STXBP5L: variants seen among roughly 807,000 people sequenced by gnomAD.
The protein encoded by STXBP5L is syntaxin binding protein 5L.
Under a neutral mutation model 144.5 loss-of-function variants are expected in STXBP5L, and 65 were observed. The observed-to-expected ratio is 0.45, with a 90% CI of 0.37 to 0.55. STXBP5L has a LOEUF of 0.55. Ranked by LOEUF, STXBP5L falls within the 20% of genes least tolerant of loss-of-function variation. STXBP5L has a pLI of 0.00. For missense variants in STXBP5L, 1,298 were observed against 1,405.5 expected (o/e 0.92, Z 1.22); for synonymous variants, 505 against 469.6 (o/e 1.08, Z -0.97).
chr3:121,247,455 A>G (rs2049891120), intron 14 of STXBP5L, among the ~76,000 whole-genome samples: 2 of 152,208 alleles, frequency 1.3e-5, no homozygotes, highest in African/African-American at 2.4e-5. Flanking sequence ...GTAGTTTTCA[A>G]TCCAAATCCC....
intron 3 of STXBP5L, among the ~76,000 whole-genome samples, chr3:121,014,995 CA>C (rs1427982341): frequency 6.6e-6 from 1 of 151,820 alleles, no homozygotes; most frequent in African/African-American, 2.4e-5. Context: ...TTATAAAACA[CA>C]GCAGATAGAA....
chr3:120,933,405 A>C (rs1710072599), intron 2 of STXBP5L, among the ~76,000 whole-genome samples: 1 of 152,226 alleles, frequency 6.6e-6, no homozygotes, highest in African/African-American at 2.4e-5. Flanking sequence ...CTGATGGAGT[A>C]GTGTCACTGC....
chr3:121,107,309 G>A (rs1005827230), intron 5 of STXBP5L, among the ~76,000 whole-genome samples: 1 of 152,042 alleles, frequency 6.6e-6, no homozygotes, highest in Non-Finnish European at 1.5e-5. Flanking sequence ...GTCCTGAATG[G>A]TATTGCCTAG....
At chr3:121,354,344 G>C (rs1416737222) in intron 20 of STXBP5L, among the ~76,000 whole-genome samples, 1 of 152,056 alleles carries the variant, frequency 6.6e-6, no homozygotes, top group Non-Finnish European at 1.5e-5. Context: ...CTAAGGACTT[G>C]CTTCATGAAT....
intron 9 of STXBP5L, among the ~76,000 whole-genome samples, chr3:121,201,166 A>G (rs1462167867): frequency 6.6e-6 from 1 of 151,516 alleles, no homozygotes; most frequent in East Asian, 1.9e-4. Context: ...TCTGGGTGGT[A>G]TATTGGCTCA....
intron 8 of STXBP5L, 58 bp from the exon 9 acceptor site, chr3:121,157,446 A>T: frequency 6.8e-7 from 1 of 1,467,912 alleles, no homozygotes; most frequent in South Asian, 1.4e-5. Context: ...GGAATATAGA[A>T]TGATATAACC....
At chr3:121,339,847 G>C (rs146672941) in intron 20 of STXBP5L, among the ~76,000 whole-genome samples, 10 of 150,682 alleles carry the variant, frequency 6.6e-5, no homozygotes, top group Non-Finnish European at 1.0e-4. Flanking sequence ...ACATTTAACC[G>C]GGGAGGTGAA....
chr3:121,067,032 A>T (rs759329430), intron 5 of STXBP5L, among the ~76,000 whole-genome samples: 1 of 152,090 alleles, frequency 6.6e-6, no homozygotes, highest in African/African-American at 2.4e-5. Context: ...ACTATTTTCA[A>T]TTCCTAATAT....
At chr3:121,185,651 G>A (rs866746960) in intron 9 of STXBP5L, among the ~76,000 whole-genome samples, 11 of 152,082 alleles carry the variant, frequency 7.2e-5, no homozygotes, top group African/African-American at 2.2e-4. Context: ...TGTTCCATTG[G>A]TGTATATCTC....
intron 5 of STXBP5L, among the ~76,000 whole-genome samples, chr3:121,059,575 A>T (rs2041157567): frequency 6.6e-6 from 1 of 152,038 alleles, no homozygotes. Flanking sequence ...CAGTATGGCC[A>T]TTTTCACCAT....
intron 20 of STXBP5L, chr3:121,324,371 G>A (rs2044076108): frequency 3.7e-6 from 2 of 541,852 alleles, no homozygotes; most frequent in South Asian, 2.7e-5. Flanking sequence ...TTTAGATAAG[G>A]ATACAAAATG....
chr3:121,120,758 C>T (rs556505236), intron 6 of STXBP5L, among the ~76,000 whole-genome samples: 37 of 151,120 alleles, frequency 2.4e-4, no homozygotes, highest in Non-Finnish European at 5.3e-4. Context: ...TGTATAGAAT[C>T]TTTGATAGTT....
intron 22 of STXBP5L, among the ~76,000 whole-genome samples, chr3:121,388,537 A>C (rs1576336888): frequency 6.6e-6 from 1 of 152,128 alleles, no homozygotes; most frequent in Non-Finnish European, 1.5e-5. Flanking sequence ...GTTTGTCATA[A>C]ATAGGTCGTA....
intron 2 of STXBP5L, among the ~76,000 whole-genome samples, chr3:120,911,343 A>G (rs1018330818): frequency 6.6e-6 from 1 of 152,084 alleles, no homozygotes; most frequent in South Asian, 2.1e-4. Flanking sequence ...AGTTAAATAC[A>G]TACTACTTTA....
At chr3:121,281,860 T>C (rs1458172173) in intron 19 of STXBP5L, among the ~76,000 whole-genome samples, 2 of 151,874 alleles carry the variant, frequency 1.3e-5, no homozygotes, top group Non-Finnish European at 2.9e-5. Context: ...TTCTTTTTAA[T>C]TGCTGAAGGA....
chr3:121,392,398 C>G (rs758001888), intron 22 of STXBP5L, among the ~76,000 whole-genome samples: 1 of 152,206 alleles, frequency 6.6e-6, no homozygotes, highest in East Asian at 1.9e-4. Context: ...GCTCACTCTC[C>G]GTGGGCTGCA....
intron 9 of STXBP5L, among the ~76,000 whole-genome samples, chr3:121,174,775 T>G (rs961833753): frequency 2.0e-5 from 3 of 152,070 alleles, no homozygotes; most frequent in Admixed American, 2.0e-4. Context: ...TCAGAGTCAA[T>G]CCAGGGAAAG....
rs754343120 is a variant in STXBP5L at position 121,020,590 on chromosome 3, G to A, written c.288-21110G>A. Among the ~76,000 whole-genome samples, 8 of 152,214 alleles carry A rather than the reference G, an allele frequency of 5.3e-5. No homozygotes were observed. The South Asian group carries it at 1.0e-3, about 20-fold the overall frequency. ...CAGCAGAAACCATACAAGCTAGAAG[G>A]GATTGGTTCCTATCTTTAGTTTCCT... On this transcript the variant is annotated intron_variant, in intron 3 of 26. Coordinates refer to ENST00000471454, the MANE Select transcript of STXBP5L (RefSeq NM_001308330.2).
intron 9 of STXBP5L, chr3:121,158,664 A>G (rs969784923): frequency 2.0e-5 from 3 of 152,188 alleles, no homozygotes; most frequent in African/African-American, 7.2e-5. Context: ...TATTAGCTAT[A>G]CATACCACTC....
Sources: gnomAD v4.1 joint callset for allele counts (sites outside exome capture counted in the v4.1 genomes callset) on GRCh38, gnomAD v4.1.1 for gene constraint, MANE v1.5 for transcripts, NCBI Gene and HGNC (gene_info 2026-07-23, HGNC 2026-07-21) for gene names.